STK32C: variants seen among roughly 807,000 people sequenced by gnomAD.
The protein encoded by STK32C is serine/threonine-protein kinase 32C.
STK32C carries 31 observed loss-of-function variants against 56.5 expected under a neutral mutation model. The ratio of observed to expected loss-of-function variants is 0.55; its 90% CI spans 0.41 to 0.74. The LOEUF (loss-of-function observed/expected upper bound fraction) is 0.74, where lower values mean the gene tolerates loss of function less well. Ranked by LOEUF, STK32C falls within the 30% of genes least tolerant of loss-of-function variation. The pLI is 0.00. For synonymous variants in STK32C, 309 were observed against 289.4 expected, an observed-to-expected ratio of 1.07 and a Z score of -0.69; for missense variants, 544 against 676.9, an observed-to-expected ratio of 0.80 and a Z score of 2.18.
intron 1 of STK32C, among the ~76,000 whole-genome samples, chr10:132,285,020 C>T (rs1160409778): frequency 1.5e-5 from 2 of 130,822 alleles, no homozygotes; most frequent in African/African-American, 5.9e-5. Context: ...GAACACATTC[C>T]CACGTCTGTC....
At chr10:132,232,794 C>T (rs1289710985) in intron 2 of STK32C, among the ~76,000 whole-genome samples, 1 of 151,342 alleles carries the variant, frequency 6.6e-6, no homozygotes, top group Non-Finnish European at 1.5e-5. Context: ...CACAGCGCCA[C>T]CCGGAGCCCT....
chr10:132,223,023 C>T, intron 8 of STK32C, 37 bp from the exon 9 acceptor site: 1 of 1,536,536 alleles, frequency 6.5e-7, no homozygotes, highest in East Asian at 2.4e-5. Flanking sequence ...CCAGGGCCCA[C>T]AGCCCACCAG....
chr10:132,272,737 G>A (rs1050722717), intron 1 of STK32C, among the ~76,000 whole-genome samples: 8 of 152,156 alleles, frequency 5.3e-5, no homozygotes, highest in South Asian at 2.1e-4. Flanking sequence ...AGCTGCAGGC[G>A]TCGTCCTTTT....
At chr10:132,266,650 C>A (rs768071794) in intron 1 of STK32C, among the ~76,000 whole-genome samples, 1 of 151,992 alleles carries the variant, frequency 6.6e-6, no homozygotes, top group African/African-American at 2.4e-5. Context: ...AGGACAACCC[C>A]GAGCCCTGGG....
intron 1 of STK32C, among the ~76,000 whole-genome samples, chr10:132,280,313 T>C (rs1231470305): frequency 2.1e-4 from 20 of 93,074 alleles, no homozygotes; most frequent in Middle Eastern, 9.1e-3. Context: ...TCCATGATCA[T>C]GCCACTGCAC....
chr10:132,306,005 C>T lies in STK32C; in HGVS notation c.262+1567G>A, dbSNP rs564021634. On this transcript the variant is annotated intron_variant, in intron 1 of 11. Transcript: ENST00000298630. The stretch of plus-strand genomic sequence containing the variant: ...TGATGCTGGGGATGTGAAAGAATTC[C>T]CAAGTCAGACCGTGAGCCCCACAGA... Among the ~76,000 whole-genome samples, 956 of 152,342 alleles carry T rather than the reference C, an allele frequency of 6.3e-3. 5 individuals carry two copies. The highest frequency in any genetic ancestry group is 0.011 in the Non-Finnish European group (730 of 68,044).
At position 132,207,831 on chromosome 10, in the gene STK32C, C is replaced by T; in HGVS notation, c.*179G>A. ...GCCCTCCACAGGTGTCCCCTGCACC[C>T]ACAGCCTCTTGTCCCCTGCACCACC... is the stretch of plus-strand genomic sequence containing the variant. On this transcript the variant is annotated 3_prime_UTR_variant, in exon 12 of 12. Transcript: ENST00000298630. 1.3e-6 allele frequency: 1 copy of T among 749,766 alleles called. No individual in the cohort carries two copies. Among genetic ancestry groups the T allele is most frequent in the Non-Finnish European group, 1.8e-6 (1 of 548,370 alleles). The allele number at this position is 749,766 out of a possible 1,614,324, so 46.4% of individuals were successfully genotyped here.
At chr10:132,229,703 G>A (rs1267247168) in intron 2 of STK32C, among the ~76,000 whole-genome samples, 1 of 152,182 alleles carries the variant, frequency 6.6e-6, no homozygotes, top group Admixed American at 6.5e-5. Flanking sequence ...GCCCTTACTG[G>A]AGACCCCTCC....
intron 1 of STK32C, among the ~76,000 whole-genome samples, chr10:132,290,545 C>T (rs148246249): frequency 5.0e-4 from 76 of 152,336 alleles, no homozygotes; most frequent in African/African-American, 1.7e-3. Context: ...AAGCCAGATC[C>T]TCTTGGCCAG....
chr10:132,279,505 A>G (rs919934038), intron 1 of STK32C, among the ~76,000 whole-genome samples: 1 of 152,078 alleles, frequency 6.6e-6, no homozygotes, highest in Non-Finnish European at 1.5e-5. Flanking sequence ...CACACCTGTC[A>G]TCCCAGCACT....
chr10:132,312,287 G>C (rs961430298), upstream of STK32C, among the ~76,000 whole-genome samples: 1 of 152,084 alleles, frequency 6.6e-6, no homozygotes, highest in African/African-American at 2.4e-5. Flanking sequence ...GGGATTACAG[G>C]TATGAGCCAC....
chr10:132,223,098 C>T, intron 8 of STK32C, 112 bp from the exon 9 acceptor site: 1 of 1,378,576 alleles, frequency 7.3e-7, no homozygotes, highest in African/African-American at 1.4e-5. Flanking sequence ...GCCTGAGGTT[C>T]AGAATTCAGG....
At chr10:132,224,609 A>G (rs2062811930) in intron 7 of STK32C, 86 bp from the exon 8 acceptor site, 1 of 984,216 alleles carries the variant, frequency 1.0e-6, no homozygotes, top group Admixed American at 2.0e-5. Context: ...CATCGCCCTG[A>G]GAGGACCCCC....
rs542435315 is a variant in STK32C, at chr10:132,278,533, G to A, written c.262+29039C>T. ...TCCCAGCACTTTGAGAGGCTGAGGC[G>A]GGTGGATCACGAAGTCAGGAGATCA... On this transcript the variant is annotated intron_variant, in intron 1 of 11. Coordinates refer to ENST00000298630, the MANE Select transcript of STK32C (RefSeq NM_173575.4). Among the ~76,000 whole-genome samples, 114 of 152,216 alleles carry A rather than the reference G, an allele frequency of 7.5e-4. 1 individual carries two copies. Among genetic ancestry groups the A allele is most frequent in the African/African-American group, 2.7e-3 (111 of 41,524 alleles).
intron 1 of STK32C, among the ~76,000 whole-genome samples, chr10:132,260,764 A>T (rs2064276481): frequency 6.6e-6 from 1 of 152,158 alleles, no homozygotes; most frequent in Non-Finnish European, 1.5e-5. Flanking sequence ...GCCCATCACC[A>T]CCTGGAGGGG....
intron 1 of STK32C, among the ~76,000 whole-genome samples, chr10:132,269,495 G>A (rs1305547150): frequency 1.3e-5 from 2 of 152,218 alleles, no homozygotes; most frequent in African/African-American, 4.8e-5. Flanking sequence ...GTGGCAGCAA[G>A]CTGCAGCCTC....
intron 2 of STK32C, among the ~76,000 whole-genome samples, chr10:132,231,809 G>A (rs1042803427): frequency 2.0e-5 from 3 of 152,230 alleles, no homozygotes; most frequent in Admixed American, 1.3e-4. Flanking sequence ...GCCTGGGAAT[G>A]GAGTGACATG....
At chr10:132,227,807 C>G (rs2062945618) in intron 3 of STK32C, among the ~76,000 whole-genome samples, 170 bp downstream of exon 3, 1 of 152,186 alleles carries the variant, frequency 6.6e-6, no homozygotes, top group Non-Finnish European at 1.5e-5. Flanking sequence ...ACTGCCAGGC[C>G]TGGGGCACAG....
intron 6 of STK32C, 44 bp downstream of exon 6, chr10:132,225,483 C>T (rs747087406): frequency 1.9e-6 from 3 of 1,611,410 alleles, no homozygotes; most frequent in South Asian, 1.1e-5. Flanking sequence ...TCCTTCCCAC[C>T]TGGAGGAAGC....
Sources: allele counts gnomAD v4.1 joint callset (sites outside exome capture counted in the v4.1 genomes callset), GRCh38; gene constraint gnomAD v4.1.1; transcripts MANE v1.5; gene names NCBI Gene and HGNC (gene_info 2026-07-23, HGNC 2026-07-21).